THSD4: variants seen among roughly 807,000 people sequenced by gnomAD.
THSD4 encodes thrombospondin type-1 domain-containing protein 4.
In THSD4, 69 loss-of-function variants were observed where a neutral mutation model predicts 119.0. The observed-to-expected ratio is 0.58, with a 90% CI of 0.48 to 0.71. The LOEUF (loss-of-function observed/expected upper bound fraction) is 0.71. Ranked by LOEUF, THSD4 falls within the 30% of genes least tolerant of loss-of-function variation. The pLI is 0.00. For missense variants in THSD4, 1,393 were observed against 1,391.1 expected (o/e 1.00, Z -0.02); for synonymous variants, 524 against 540.4 (o/e 0.97, Z 0.42).
At chr15:71,744,607 A>G (rs1229754670) in intron 11 of THSD4, among the ~76,000 whole-genome samples, 1 of 152,128 alleles carries the variant, frequency 6.6e-6, no homozygotes, top group East Asian at 1.9e-4. Context: ...ATTCCAGTTT[A>G]ATGACCTAGA....
chr15:71,185,395 C>T (rs2043589051), intron 3 of THSD4: 1 of 151,742 alleles, frequency 6.6e-6, no homozygotes, highest in Admixed American at 6.6e-5. Context: ...ACCATAAATC[C>T]ATGCATTACC....
At chr15:71,276,145 G>A (rs772890129) in intron 6 of THSD4, among the ~76,000 whole-genome samples, 4 of 152,176 alleles carry the variant, frequency 2.6e-5, no homozygotes, top group Non-Finnish European at 4.4e-5. Context: ...AGTCTGAGGT[G>A]GGAAGGTGCA....
chr15:71,669,501 T>C (rs533812960), intron 8 of THSD4, among the ~76,000 whole-genome samples: 9 of 151,940 alleles, frequency 5.9e-5, no homozygotes, highest in Non-Finnish European at 1.3e-4. Flanking sequence ...ATTCTGTCCT[T>C]TTTTTTTGTG....
chr15:71,186,049 G>A (rs560198730), intron 3 of THSD4: 22 of 152,278 alleles, frequency 1.4e-4, no homozygotes, highest in South Asian at 1.0e-3. Flanking sequence ...ACTTTGTGTC[G>A]TAGAAGCTAC....
intron 7 of THSD4, among the ~76,000 whole-genome samples, chr15:71,595,515 T>C (rs762517645): frequency 6.6e-6 from 1 of 152,198 alleles, no homozygotes; most frequent in Non-Finnish European, 1.5e-5. Flanking sequence ...TACCCAGCCA[T>C]GTGGAACTGT....
intron 1 of THSD4, among the ~76,000 whole-genome samples, chr15:71,104,085 G>A (rs895100839): frequency 1.3e-5 from 2 of 152,104 alleles, no homozygotes; most frequent in Non-Finnish European, 2.9e-5. Flanking sequence ...CATTTAGTGT[G>A]TCCTTACTTA....
intron 7 of THSD4, among the ~76,000 whole-genome samples, chr15:71,647,318 A>G (rs2050989409): frequency 6.6e-6 from 1 of 152,208 alleles, no homozygotes; most frequent in South Asian, 2.1e-4. Context: ...CAGCATGAGA[A>G]TCATTCATCT....
At chr15:71,362,007 G>T (rs749234373) in intron 6 of THSD4, among the ~76,000 whole-genome samples, 5 of 152,266 alleles carry the variant, frequency 3.3e-5, no homozygotes, top group Non-Finnish European at 7.3e-5. Flanking sequence ...ACTGGGCGTG[G>T]TGGCTAATGC....
At chr15:71,536,534 G>A (rs144939756) in intron 7 of THSD4, among the ~76,000 whole-genome samples, 311 of 152,244 alleles carry the variant, frequency 2.0e-3, no homozygotes, top group Non-Finnish European at 2.0e-3. Context: ...GGATTAGGAC[G>A]TGGACATCTT....
chr15:71,653,758 T>C (rs1464465631), intron 7 of THSD4, among the ~76,000 whole-genome samples: 1 of 152,182 alleles, frequency 6.6e-6, no homozygotes, highest in Non-Finnish European at 1.5e-5. Flanking sequence ...TTGAAGTATA[T>C]TTTTTTCTAC....
At chr15:71,352,334 G>T (rs145233207) in intron 6 of THSD4, among the ~76,000 whole-genome samples, 2 of 152,214 alleles carry the variant, frequency 1.3e-5, no homozygotes, top group African/African-American at 2.4e-5. Flanking sequence ...ACACATGGCC[G>T]GAGTTTATCC....
At chr15:71,736,888 G>A (rs1259896872) in intron 10 of THSD4, among the ~76,000 whole-genome samples, 1 of 152,248 alleles carries the variant, frequency 6.6e-6, no homozygotes, top group Non-Finnish European at 1.5e-5. Flanking sequence ...GGAGGAGGAA[G>A]TGGAGGAATA....
intron 1 of THSD4, among the ~76,000 whole-genome samples, chr15:71,140,177 T>G (rs1001967522): frequency 3.9e-5 from 6 of 152,232 alleles, no homozygotes; most frequent in Non-Finnish European, 8.8e-5. Flanking sequence ...TATAAAGGAA[T>G]GCTTAAGACT....
chr15:71,257,646 C>T (rs537200399), intron 6 of THSD4, among the ~76,000 whole-genome samples: 3 of 152,128 alleles, frequency 2.0e-5, no homozygotes, highest in Non-Finnish European at 4.4e-5. Flanking sequence ...GAATCAATGC[C>T]TGGGGAAGCC....
chr15:71,620,368 G>C (rs1208420872), intron 7 of THSD4, among the ~76,000 whole-genome samples: 4 of 152,058 alleles, frequency 2.6e-5, no homozygotes, highest in Non-Finnish European at 5.9e-5. Context: ...CAAGGTGAGA[G>C]GATTGCTTGA....
At chr15:71,404,846 T>TCTTTCTTTTCTTTCTTTTCTTTC (rs1260306785) in intron 6 of THSD4, among the ~76,000 whole-genome samples, 2 of 141,240 alleles carry the variant, frequency 1.4e-5, no homozygotes, top group Non-Finnish European at 3.0e-5. Flanking sequence ...GTCTTCTCTT[T>TCTTTCTTTTCTTTCTTTTCTTTC]CTTTCTTTTC....
chr15:71,354,225 G>T (rs1161985216), intron 6 of THSD4, among the ~76,000 whole-genome samples: 1 of 152,196 alleles, frequency 6.6e-6, no homozygotes, highest in East Asian at 1.9e-4. Flanking sequence ...AGTCTAGGAG[G>T]TTGAGGCTGC....
intron 7 of THSD4, among the ~76,000 whole-genome samples, chr15:71,428,152 C>A (rs933711857): frequency 6.6e-6 from 1 of 152,190 alleles, no homozygotes; most frequent in Non-Finnish European, 1.5e-5. Flanking sequence ...CCATCCCTGA[C>A]CCTAAGCACA....
At chr15:71,283,538 A>G (rs2044680950) in intron 6 of THSD4, among the ~76,000 whole-genome samples, 1 of 152,190 alleles carries the variant, frequency 6.6e-6, no homozygotes, top group Admixed American at 6.5e-5. Context: ...TTGGTCCCTA[A>G]TAGTAGTAAT....
Sources: gnomAD v4.1 joint callset for allele counts (sites outside exome capture counted in the v4.1 genomes callset) on GRCh38, gnomAD v4.1.1 for gene constraint, MANE v1.5 for transcripts, NCBI Gene and HGNC (gene_info 2026-07-23, HGNC 2026-07-21) for gene names.